CST7: variants seen among roughly 807,000 people sequenced by gnomAD.
CST7 encodes cystatin F, also known as cystatin-F.
A neutral mutation model predicts 13.1 loss-of-function variants in CST7; 15 were observed. The observed-to-expected ratio is 1.14, with a 90% CI of 0.77 to 1.76. CST7 has a LOEUF of 1.76. Ranked by LOEUF, CST7 falls within the 40% of genes most tolerant of loss-of-function variation. The pLI is 0.00. For missense variants in CST7, 193 were observed against 178.8 expected (o/e 1.08, Z -0.45); for synonymous variants, 75 against 66.9 (o/e 1.12, Z -0.59).
In CST7 at chr20:24,957,276, G is replaced by GATACTTGT; in HGVS notation, c.71-11_71-10insATACTTGT. ...CATCAGTGTTCTTGTCTGGCTCTTT[G>GATACTTGT]TCTCTTTCAGATACTTGTTCCCAGG... On this transcript the variant is annotated splice_polypyrimidine_tract_variant and intron_variant, in intron 1 of 3. Transcript: ENST00000480798. 6.2e-7 allele frequency: 1 copy of GATACTTGT among 1,610,520 alleles called. No individual in the cohort carries two copies. Among genetic ancestry groups the GATACTTGT allele is most frequent in the Non-Finnish European group, 8.5e-7 (1 of 1,178,358 alleles).
chr20:24,952,105 T>C (rs2087823006), intron 1 of CST7, among the ~76,000 whole-genome samples: 1 of 152,236 alleles, frequency 6.6e-6, no homozygotes, highest in Admixed American at 6.5e-5. Flanking sequence ...TTTTTCCCAA[T>C]GGGGGCATTC....
chr20:24,952,540 G>A (rs1314615042), intron 1 of CST7, among the ~76,000 whole-genome samples: 2 of 152,212 alleles, frequency 1.3e-5, no homozygotes, highest in East Asian at 1.9e-4. Context: ...AGGGCTTGGG[G>A]TGAAGCGTCT....
intron 1 of CST7, among the ~76,000 whole-genome samples, chr20:24,951,327 A>T (rs1304852676): frequency 6.6e-6 from 1 of 152,180 alleles, no homozygotes; most frequent in Non-Finnish European, 1.5e-5. Context: ...ATGGAGGCAC[A>T]TGGGGCATGG....
chr20:24,952,472 G>A (rs185101555), intron 1 of CST7, among the ~76,000 whole-genome samples: 31 of 152,350 alleles, frequency 2.0e-4, no homozygotes, highest in Non-Finnish European at 4.1e-4. Flanking sequence ...CAAGAGCACA[G>A]CGGGCAGGTG....
At chr20:24,950,373 C>CT (rs1287992231) in intron 1 of CST7, among the ~76,000 whole-genome samples, 1 of 152,226 alleles carries the variant, frequency 6.6e-6, no homozygotes, top group Non-Finnish European at 1.5e-5. Flanking sequence ...CAGGTGGGGG[C>CT]TGTGCAGCAG....
rs1439624069 is a variant in CST7 at position 24,958,915 on chromosome 20, T to C, written c.244-13T>C. 7 of 1,598,336 alleles carry C rather than the reference T, an allele frequency of 4.4e-6. No homozygotes were observed. In the Admixed American group the frequency reaches 6.7e-5, roughly 15 times the overall value. On this transcript the variant is annotated splice_polypyrimidine_tract_variant and intron_variant, in intron 2 of 3. Coordinates refer to ENST00000480798, the MANE Select transcript of CST7 (RefSeq NM_003650.4). ...CCCTGTGCCCAGTAACCCAGTCCCT[T>C]TGCTCCCTCCAGATAGTGAAAGGCC...
chr20:24,957,834 G>A (rs1027764039), intron 2 of CST7, among the ~76,000 whole-genome samples: 1 of 152,082 alleles, frequency 6.6e-6, no homozygotes, highest in Non-Finnish European at 1.5e-5. Context: ...GTCCTCACCC[G>A]GCCTCACCCC....
In CST7 at chr20:24,949,519, G is replaced by A; in HGVS notation, c.14G>A (p.Gly5Glu). 1 of 1,614,152 alleles carries A rather than the reference G, an allele frequency of 6.2e-7. No individual in the cohort carries two copies. The highest frequency in any genetic ancestry group is 8.5e-7 in the Non-Finnish European group (1 of 1,180,038). The stretch of plus-strand genomic sequence containing the variant: ...ACCCGGGCAGCCATGCGAGCGGCTG[G>A]AACTCTGCTGGCCTTCTGCTGCCTG... MRAA[G>E]TLLAFCCLVL... The change falls in exon 1 of 4, where the codon GGA becomes GAA. Residue 5 changes from glycine to glutamate, a missense_variant. By Grantham distance (98) the Gly-to-Glu change is moderately conservative (BLOSUM62 -2). Coordinates refer to ENST00000480798, the MANE Select transcript of CST7 (RefSeq NM_003650.4).
intron 1 of CST7, among the ~76,000 whole-genome samples, chr20:24,951,195 C>G (rs951318514): frequency 3.3e-5 from 5 of 152,224 alleles, no homozygotes; most frequent in African/African-American, 1.2e-4. Flanking sequence ...CCAGAGCCCA[C>G]GTTCACACAC....
chr20:24,951,890 T>C (rs2087821540), intron 1 of CST7, among the ~76,000 whole-genome samples: 1 of 152,220 alleles, frequency 6.6e-6, no homozygotes, highest in Non-Finnish European at 1.5e-5. Flanking sequence ...TGTCATCCTC[T>C]GCCCCCTCCA....
intron 1 of CST7, among the ~76,000 whole-genome samples, chr20:24,955,978 C>T (rs988037584): frequency 1.3e-5 from 2 of 152,196 alleles, no homozygotes; most frequent in African/African-American, 4.8e-5. Context: ...CATCCAAAGC[C>T]CAGCCATGAA....
At chr20:24,958,871 G>C (rs752106350) in intron 2 of CST7, 57 bp from the exon 3 acceptor site, 10 of 1,304,846 alleles carry the variant, frequency 7.7e-6, no homozygotes, top group Non-Finnish European at 1.1e-5. Context: ...CTTCCTAGTG[G>C]AGAAGCCTGC....
At chr20:24,953,713 G>C (rs989775086) in intron 1 of CST7, among the ~76,000 whole-genome samples, 3 of 152,162 alleles carry the variant, frequency 2.0e-5, no homozygotes, top group Admixed American at 6.5e-5. Context: ...TGGTGGGCTG[G>C]GGTCAGGCTG....
At chr20:24,955,404 A>G (rs2087847155) in intron 1 of CST7, among the ~76,000 whole-genome samples, 1 of 151,478 alleles carries the variant, frequency 6.6e-6, no homozygotes, top group African/African-American at 2.4e-5. Context: ...CCTGGTGCTC[A>G]GGAACAGAGC....
At chr20:24,958,777 C>A in intron 2 of CST7, 151 bp from the exon 3 acceptor site, 1 of 642,158 alleles carries the variant, frequency 1.6e-6, no homozygotes. Flanking sequence ...GCAGGCTCTG[C>A]CGTAAGCCCG....
At chr20:24,959,186 C>T (rs558249937) in intron 3 of CST7, 142 bp downstream of exon 3, 5 of 685,536 alleles carry the variant, frequency 7.3e-6, no homozygotes, top group South Asian at 5.3e-5. Context: ...CCCAGACTCC[C>T]GCACGACTGA....
chr20:24,949,756 G>T (rs1011174035), intron 1 of CST7, among the ~76,000 whole-genome samples, 181 bp downstream of exon 1: 1 of 152,178 alleles, frequency 6.6e-6, no homozygotes, highest in Non-Finnish European at 1.5e-5. Flanking sequence ...GCTACCTTTG[G>T]GGGTAGCAGG....
rs1273032930 is a variant in CST7, at chr20:24,959,350, TATATGTATCATATACATACATATG to T, written c.361-271_361-248del. 4.6e-5 allele frequency among the ~76,000 whole-genome samples: 7 copies of T among 151,664 alleles called. No homozygotes were observed. In the East Asian group the frequency reaches 5.8e-4, roughly 13 times the overall value. The stretch of plus-strand genomic sequence containing the variant: ...AAGCTTTCAAACAATCCAGAAATTA[TATATGTATCATATACATACATATG>T]ATATGTATCATATGTATATCATATA... On this transcript the variant is annotated intron_variant, in intron 3 of 3. Coordinates refer to ENST00000480798, the MANE Select transcript of CST7 (RefSeq NM_003650.4).
At chr20:24,958,892 C>A in intron 2 of CST7, 36 bp from the exon 3 acceptor site, 1 of 1,504,220 alleles carries the variant, frequency 6.6e-7, no homozygotes, top group South Asian at 1.1e-5. Context: ...CCTCCCTCCC[C>A]TGTGCCCAGT....
Sources: allele counts gnomAD v4.1 joint callset (sites outside exome capture counted in the v4.1 genomes callset), GRCh38; gene constraint gnomAD v4.1.1; transcripts MANE v1.5; gene names NCBI Gene and HGNC (gene_info 2026-07-23, HGNC 2026-07-21).